FCHO2: variants seen among roughly 807,000 people sequenced by gnomAD.
FCHO2 encodes F-BAR domain only protein 2.
In FCHO2, 43 loss-of-function variants were observed where a neutral mutation model predicts 114.1. That is an observed-to-expected ratio of 0.38 (90% CI 0.30 to 0.49). FCHO2 has a LOEUF of 0.49. FCHO2 is among the 20% of genes least tolerant of loss of function. The pLI, the probability that FCHO2 is intolerant of heterozygous loss-of-function variation, is 0.97. For synonymous variants in FCHO2, 293 were observed against 315.2 expected, an observed-to-expected ratio of 0.93 and a Z score of 0.75; for missense variants, 807 against 950.4, an observed-to-expected ratio of 0.85 and a Z score of 1.98.
At chr5:73,070,111 C>G (rs1742561530) in intron 19 of FCHO2, among the ~76,000 whole-genome samples, 1 of 152,074 alleles carries the variant, frequency 6.6e-6, no homozygotes, top group Non-Finnish European at 1.5e-5. Context: ...ATCAGAAACC[C>G]TGGGAGTGGA....
intron 7 of FCHO2, among the ~76,000 whole-genome samples, chr5:73,016,602 TA>T (rs1208836060): frequency 0.011 from 19 of 1,792 alleles, no homozygotes; most frequent in Non-Finnish European, 0.012. Context: ...GTTTAAATAT[TA>T]AAAAAGATTT....
chr5:72,997,351 TAGC>T (rs1754175963), intron 5 of FCHO2: 3 of 1,587,920 alleles, frequency 1.9e-6, no homozygotes, highest in Non-Finnish European at 2.6e-6. Flanking sequence ...AACTGGACAA[TAGC>T]AGAAGCATTC....
intron 5 of FCHO2, chr5:72,996,838 A>C: frequency 1.1e-6 from 1 of 939,458 alleles, no homozygotes. Flanking sequence ...CCCTCCCGGC[A>C]ACGGGGGGCT....
In FCHO2 at chr5:73,058,540, T is replaced by C; in HGVS notation, c.1345+16T>C. 5.1e-6 allele frequency: 5 copies of C among 980,574 alleles called. No individual in the cohort carries two copies. The highest frequency in any genetic ancestry group is 5.8e-6 in the Non-Finnish European group (4 of 691,582). The allele number at this position is 980,574 out of a possible 1,614,324, so 60.7% of individuals were successfully genotyped here. A position where few individuals can be genotyped will look rare whatever the true frequency, so the allele number is the denominator to read the frequency against. On this transcript the variant is annotated intron_variant, in intron 17 of 25. Coordinates refer to ENST00000430046, the MANE Select transcript of FCHO2 (RefSeq NM_138782.3). ...TCATCATCAGGTAAATATATATATG[T>C]ATATATGTATTTTTTTAAATAAAGA...
At chr5:72,980,940 T>C (rs1348091938) in intron 2 of FCHO2, among the ~76,000 whole-genome samples, 1 of 152,228 alleles carries the variant, frequency 6.6e-6, no homozygotes, top group African/African-American at 2.4e-5. Flanking sequence ...TTAGCCTGTT[T>C]ACATTTAAGG....
At chr5:73,063,258 A>T (rs866041856) in intron 17 of FCHO2, among the ~76,000 whole-genome samples, 7 of 152,100 alleles carry the variant, frequency 4.6e-5, no homozygotes, top group African/African-American at 1.4e-4. Flanking sequence ...ACAAGTTAAG[A>T]TATTATTTTG....
chr5:72,984,088 A>C (rs1753380468), intron 2 of FCHO2, among the ~76,000 whole-genome samples: 1 of 152,104 alleles, frequency 6.6e-6, no homozygotes, highest in African/African-American at 2.4e-5. Flanking sequence ...TAATAGTAGT[A>C]TCTATCTTAT....
At chr5:73,023,625 G>A (rs112435539) in intron 8 of FCHO2, among the ~76,000 whole-genome samples, 447 of 152,026 alleles carry the variant, frequency 2.9e-3, no homozygotes, top group African/African-American at 0.01. Flanking sequence ...GCTTGAACCC[G>A]GGAGGCAGAG....
intron 24 of FCHO2, among the ~76,000 whole-genome samples, chr5:73,086,145 T>C (rs560373057): frequency 3.3e-5 from 5 of 151,476 alleles, no homozygotes; most frequent in Non-Finnish European, 7.4e-5. Flanking sequence ...ACACAAAAAA[T>C]TCTGTAAAAT....
chr5:73,082,831 T>C lies in FCHO2; in HGVS notation c.2245+6T>C. The stretch of plus-strand genomic sequence containing the variant: ...AGAAAAATCAGAAAATGGAGGTAAG[T>C]GTGTGTGTCCTTTTTTATTTATAAA... On this transcript the variant is annotated splice_donor_region_variant and intron_variant, in intron 24 of 25. Transcript: ENST00000430046. 1 of 1,584,612 alleles carries C rather than the reference T, an allele frequency of 6.3e-7. No homozygotes were observed. The highest frequency in any genetic ancestry group is 8.6e-7 in the Non-Finnish European group (1 of 1,168,226).
rs1047663396 is a variant in FCHO2, at chr5:73,087,842, C to G, written c.2410+89C>G. ...AAAAAACTGTCAAGCAATTTATAAT[C>G]TAAAGACATGGAAATTTTTTCTTTA... On this transcript the variant is annotated intron_variant, in intron 25 of 25. Transcript: ENST00000430046. The G allele has an allele frequency of 2.0e-6, 3 of 1,498,050 alleles. No individual in the cohort carries two copies. The African/African-American group carries it at 4.2e-5, about 21-fold the overall frequency. 92.8% of individuals were successfully genotyped at this position (1,498,050 alleles called of 1,614,324 possible). A position where few individuals can be genotyped will look rare whatever the true frequency, so the allele number is the denominator to read the frequency against.
At chr5:72,992,641 C>T (rs1399670426) in intron 5 of FCHO2, among the ~76,000 whole-genome samples, 1 of 151,992 alleles carries the variant, frequency 6.6e-6, no homozygotes, top group African/African-American at 2.4e-5. Context: ...AGAACTAAAG[C>T]CTTATTGAAA....
chr5:72,963,761 G>A (rs1029097112), intron 1 of FCHO2, among the ~76,000 whole-genome samples: 1 of 151,924 alleles, frequency 6.6e-6, no homozygotes, highest in African/African-American at 2.4e-5. Context: ...ATGTTATTTA[G>A]GCTGGTCTCA....
intron 2 of FCHO2, among the ~76,000 whole-genome samples, chr5:72,975,728 C>T (rs1164301703): frequency 7.2e-5 from 11 of 152,156 alleles, no homozygotes. Flanking sequence ...TGGTCTGGAA[C>T]TCCTGACCTC....
At chr5:73,074,592 T>C (rs1205568091) in intron 19 of FCHO2, 150 bp from the exon 20 acceptor site, 21 of 665,176 alleles carry the variant, frequency 3.2e-5, no homozygotes, top group Non-Finnish European at 7.7e-6. Context: ...TGTTTTATAC[T>C]ATATTTCTTA....
chr5:73,044,046 G>A (rs945762698), intron 11 of FCHO2, among the ~76,000 whole-genome samples: 1 of 152,072 alleles, frequency 6.6e-6, no homozygotes, highest in East Asian at 1.9e-4. Flanking sequence ...CTCACTTGTT[G>A]TTTGAAAGTG....
At chr5:73,041,039 A>G (rs1756777793) in intron 10 of FCHO2, among the ~76,000 whole-genome samples, 2 of 152,082 alleles carry the variant, frequency 1.3e-5, no homozygotes, top group Non-Finnish European at 2.9e-5. Context: ...AGCATAATGT[A>G]AGCTGTTAGA....
intron 19 of FCHO2, among the ~76,000 whole-genome samples, chr5:73,072,471 A>T (rs1254331124): frequency 6.6e-6 from 1 of 152,112 alleles, no homozygotes; most frequent in African/African-American, 2.4e-5. Flanking sequence ...TCGTAGCAGC[A>T]CTATTCACAG....
chr5:73,047,033 C>T (rs542149880), intron 11 of FCHO2, among the ~76,000 whole-genome samples: 2 of 152,140 alleles, frequency 1.3e-5, no homozygotes, highest in Non-Finnish European at 2.9e-5. Context: ...CCTTGGCAGC[C>T]TTTTCTTTCC....
Sources: gnomAD v4.1 joint callset for allele counts (sites outside exome capture counted in the v4.1 genomes callset) on GRCh38, gnomAD v4.1.1 for gene constraint, MANE v1.5 for transcripts, NCBI Gene and HGNC (gene_info 2026-07-23, HGNC 2026-07-21) for gene names.